Variants in METTL15 observed in about 807,000 individuals in gnomAD.
METTL15 encodes 12S rRNA N(4)-cytidine methyltransferase METTL15.
In METTL15, 34 loss-of-function variants were observed where a neutral mutation model predicts 38.3. The observed-to-expected ratio is 0.89, with a 90% CI of 0.68 to 1.18. The LOEUF (loss-of-function observed/expected upper bound fraction) is 1.18, where lower values mean the gene tolerates loss of function less well. Ranked by LOEUF, METTL15 falls within the 50% of genes most tolerant of loss-of-function variation. The pLI, the probability that METTL15 is intolerant of heterozygous loss-of-function variation, is 0.00. For missense variants in METTL15, 438 were observed against 498.4 expected (o/e 0.88, Z 1.15); for synonymous variants, 162 against 170.9 (o/e 0.95, Z 0.41).
At chr11:28,411,304 G>A (rs1479009357) in intron 5 of METTL15, among the ~76,000 whole-genome samples, 1 of 151,768 alleles carries the variant, frequency 6.6e-6, no homozygotes, top group Admixed American at 6.6e-5. Context: ...ACAAATAAAA[G>A]TTGGAGGCAT....
At chr11:28,143,333 G>A (rs528036015) in intron 3 of METTL15, among the ~76,000 whole-genome samples, 3 of 152,200 alleles carry the variant, frequency 2.0e-5, no homozygotes, top group African/African-American at 7.2e-5. Context: ...ATTTAAAAAC[G>A]AAGCAAGTTC....
At chr11:28,157,153 G>T (rs189724571) in intron 3 of METTL15, among the ~76,000 whole-genome samples, 15 of 152,320 alleles carry the variant, frequency 9.8e-5, no homozygotes, top group Admixed American at 9.1e-4. Context: ...TGAAGGATAA[G>T]TTGCTGCATT....
At chr11:28,257,082 G>C (rs1213397780) in intron 4 of METTL15, among the ~76,000 whole-genome samples, 1 of 152,070 alleles carries the variant, frequency 6.6e-6, no homozygotes, top group Non-Finnish European at 1.5e-5. Context: ...GATGGGTCTG[G>C]TGTTCATGGA....
Position 28,278,591 on chromosome 11 carries a change from A to G in METTL15, c.408-11615A>G, listed in dbSNP as rs79796482. Among the ~76,000 whole-genome samples the G allele has an allele frequency of 4.2e-3, 645 of 152,184 alleles. 7 individuals carry two copies. The highest frequency in any genetic ancestry group is 0.015 in the African/African-American group (621 of 41,520). ...TCTTCCATTTTAAAATTTGTTATAT[A>G]TTCATTTATTAAACCTTTACTAAGT... On this transcript the variant is annotated intron_variant, in intron 4 of 6. Coordinates refer to ENST00000407364, the MANE Select transcript of METTL15 (RefSeq NM_001113528.2).
chr11:28,330,626 A>T lies in METTL15; in HGVS notation c.1009A>T (p.Ser337Cys). The part of the protein sequence containing the change: ...RIVKRFLLGI[S>C]MTERFNLSVR... ...CGTCAAAAGATTTTTGCTTGGAATAAGCATGACAGAAAGATTTAACCTAAG... is the reference window on the plus strand; with the variant it reads ...CGTCAAAAGATTTTTGCTTGGAATATGCATGACAGAAAGATTTAACCTAAG... The change falls in exon 7 of 7, where the codon AGC (serine) becomes TGC (cysteine). Residue 337 changes from serine (S) to cysteine (C), a missense_variant. By Grantham distance (112) the Ser-to-Cys change is moderately radical. Transcript: ENST00000407364. 1 of 1,551,462 alleles carries T rather than the reference A, an allele frequency of 6.4e-7. No homozygotes were observed. Among genetic ancestry groups the T allele is most frequent in the Non-Finnish European group, 8.7e-7 (1 of 1,146,818 alleles).
At chr11:28,459,968 C>A (rs1851200557) in intron 6 of METTL15, among the ~76,000 whole-genome samples, 1 of 152,034 alleles carries the variant, frequency 6.6e-6, no homozygotes, top group Admixed American at 6.6e-5. Flanking sequence ...GAAATTCTCT[C>A]TAGTACTGTG....
intron 4 of METTL15, among the ~76,000 whole-genome samples, chr11:28,220,756 G>A (rs1853169497): frequency 6.6e-6 from 1 of 152,106 alleles, no homozygotes; most frequent in South Asian, 2.1e-4. Context: ...GGGCAGGGCT[G>A]GTGGTGACAG....
At chr11:28,111,227 A>G (rs1214989973) in intron 2 of METTL15, among the ~76,000 whole-genome samples, 2 of 152,224 alleles carry the variant, frequency 1.3e-5, no homozygotes, top group African/African-American at 4.8e-5. Context: ...TAGAGACTGA[A>G]TGCAATAGAA....
At chr11:28,204,316 C>G (rs1852228429) in intron 3 of METTL15, among the ~76,000 whole-genome samples, 1 of 151,782 alleles carries the variant, frequency 6.6e-6, no homozygotes, top group Non-Finnish European at 1.5e-5. Context: ...TCCTCTTTCT[C>G]TCTTCAGAAA....
At chr11:28,287,288 G>T in intron 4 of METTL15, 1 of 205,502 alleles carries the variant, frequency 4.9e-6, no homozygotes, top group South Asian at 6.3e-5. Context: ...TTGCATCTTC[G>T]TGGTCCATGA....
intron 4 of METTL15, among the ~76,000 whole-genome samples, chr11:28,255,997 C>G (rs1372459764): frequency 6.6e-6 from 1 of 152,204 alleles, no homozygotes; most frequent in Non-Finnish European, 1.5e-5. Flanking sequence ...GCCACCGTGC[C>G]TGGCCAATTG....
chr11:28,199,874 C>T (rs925632056), intron 3 of METTL15, among the ~76,000 whole-genome samples: 5 of 151,882 alleles, frequency 3.3e-5, no homozygotes, highest in Non-Finnish European at 7.4e-5. Flanking sequence ...TCCCAAGTAG[C>T]TGGGATTACA....
chr11:28,469,383 C>G (rs1851284596), intron 6 of METTL15, among the ~76,000 whole-genome samples: 1 of 152,162 alleles, frequency 6.6e-6, no homozygotes, highest in Non-Finnish European at 1.5e-5. Context: ...CATATCCATT[C>G]CATCGGCACA....
chr11:28,532,034 T>A (rs1456681733), downstream of METTL15, among the ~76,000 whole-genome samples: 1 of 152,058 alleles, frequency 6.6e-6, no homozygotes, highest in Non-Finnish European at 1.5e-5. Context: ...AAAACGTTAA[T>A]TTTTCTAAAA....
intron 4 of METTL15, among the ~76,000 whole-genome samples, chr11:28,227,162 A>G (rs1311133841): frequency 6.6e-6 from 1 of 151,858 alleles, no homozygotes; most frequent in Non-Finnish European, 1.5e-5. Context: ...CTTGAGGAAT[A>G]TATGTTTATT....
At chr11:28,506,894 G>A (rs184443025) in intron 6 of METTL15, among the ~76,000 whole-genome samples, 31 of 151,896 alleles carry the variant, frequency 2.0e-4, no homozygotes, top group South Asian at 1.5e-3. Context: ...ACAGGCATGT[G>A]CCACCATGCC....
the METTL15 span, among the ~76,000 whole-genome samples, chr11:28,532,112 A>G: frequency 1.3e-5 from 2 of 152,068 alleles, no homozygotes; most frequent in Non-Finnish European, 2.9e-5. Context: ...TATGTAATCT[A>G]TATCCATCCA....
chr11:28,421,389 A>G (rs758694106), intron 5 of METTL15, among the ~76,000 whole-genome samples: 6 of 152,008 alleles, frequency 3.9e-5, no homozygotes, highest in Admixed American at 2.0e-4. Context: ...CTGCTACCAA[A>G]ACAAAAGACA....
At chr11:28,521,166 C>T (rs1030182205) in intron 6 of METTL15, among the ~76,000 whole-genome samples, 4 of 152,126 alleles carry the variant, frequency 2.6e-5, no homozygotes, top group Non-Finnish European at 5.9e-5. Flanking sequence ...AACCTGAGGT[C>T]CTGTACAATC....
Sources: gnomAD v4.1 joint callset for allele counts (sites outside exome capture counted in the v4.1 genomes callset) on GRCh38, gnomAD v4.1.1 for gene constraint, MANE v1.5 for transcripts, NCBI Gene and HGNC (gene_info 2026-07-23, HGNC 2026-07-21) for gene names.